The following CST8 variants were observed in gnomAD, a reference collection of about 807,000 sequenced individuals.
CST8 encodes cystatin 8, also known as cystatin-8.
In CST8, 20 loss-of-function variants were observed where a neutral mutation model predicts 11.8. The observed-to-expected ratio is 1.70, with a 90% CI of 1.20 to 2.47. CST8 has a LOEUF of 2.47. Ranked by LOEUF, CST8 falls within the 30% of genes most tolerant of loss-of-function variation. The pLI, the probability that CST8 is intolerant of heterozygous loss-of-function variation, is 0.00. For missense variants in CST8, 196 were observed against 167.2 expected, an observed-to-expected ratio of 1.17 and a Z score of -0.95; for synonymous variants, 77 against 63.1, an observed-to-expected ratio of 1.22 and a Z score of -1.05.
chr20:23,491,795 C>A lies in CST8; in HGVS notation c.128C>A (p.Ala43Asp). 1 of 1,614,082 alleles carries A rather than the reference C, an allele frequency of 6.2e-7. No homozygotes were observed. The change falls in exon 2 of 4, where the codon GCC (alanine) becomes GAC (aspartate). Residue 43 changes from alanine to aspartate, a missense_variant. Transcript: ENST00000246012. Reference sequence around the variant, plus strand: ...TTAAAACCCGTCAATGCCTCAAATGCCAACGTGAAGCAGTGTCTGTGGTTT... The same window carrying A: ...TTAAAACCCGTCAATGCCTCAAATGACAACGTGAAGCAGTGTCTGTGGTTT... ...RKLKPVNASNANVKQCLWFAM... is the reference protein window; with the variant it reads ...RKLKPVNASNDNVKQCLWFAM...
At chr20:23,494,571 C>T (rs1987985902) in intron 3 of CST8, among the ~76,000 whole-genome samples, 1 of 152,136 alleles carries the variant, frequency 6.6e-6, no homozygotes, top group African/African-American at 2.4e-5. Flanking sequence ...CCTGGAAGTG[C>T]CCCAGTGATT....
chr20:23,507,107 T>C, the CST8 span, among the ~76,000 whole-genome samples: 1 of 152,174 alleles, frequency 6.6e-6, no homozygotes, highest in Non-Finnish European at 1.5e-5. Flanking sequence ...TGTAATAAAC[T>C]CCCAATTGGT....
downstream of CST8, among the ~76,000 whole-genome samples, chr20:23,500,140 G>C (rs377451562): frequency 7.2e-5 from 11 of 151,946 alleles, no homozygotes; most frequent in Admixed American, 1.3e-4. Flanking sequence ...TCATTACCTC[G>C]AGGAAGACAC....
chr20:23,493,066 A>T lies in CST8; in HGVS notation c.340A>T (p.Lys114Ter). 2 of 1,591,570 alleles carry T rather than the reference A, an allele frequency of 1.3e-6. No individual in the cohort carries two copies. The highest frequency in any genetic ancestry group is 4.5e-5 in the East Asian group (2 of 44,754). The change falls in exon 3 of 4, where the codon AAA becomes TAA. Residue 114 changes from lysine to a stop codon, truncating the protein, a stop_gained. Transcript: ENST00000246012. LOFTEE classifies it low-confidence loss of function (END_TRUNC). ...ICAIQENSKL[K>*]RKLSCSFLVG... ...CGCCATTCAAGAAAACTCCAAGCTG[A>T]AAAGGGTAGGTGATGAACCACTCAT... is the stretch of plus-strand genomic sequence containing the variant.
chr20:23,492,569 G>A (rs190296403), intron 2 of CST8, among the ~76,000 whole-genome samples: 235 of 152,330 alleles, frequency 1.5e-3, no homozygotes, highest in Non-Finnish European at 2.6e-3. Flanking sequence ...CCCTGGTCAG[G>A]CCTGTGTGAA....
downstream of CST8, among the ~76,000 whole-genome samples, chr20:23,497,872 A>G (rs1178367162): frequency 6.6e-6 from 1 of 152,214 alleles, no homozygotes; most frequent in Admixed American, 6.5e-5. Flanking sequence ...ATTTCAAACC[A>G]TATCACTGTG....
the CST8 span, among the ~76,000 whole-genome samples, chr20:23,502,112 C>A: frequency 1.3e-5 from 2 of 152,158 alleles, no homozygotes; most frequent in African/African-American, 4.8e-5. Context: ...AAAAGCCACA[C>A]CTGCTTGTGG....
chr20:23,498,157 G>A (rs938656800), downstream of CST8, among the ~76,000 whole-genome samples: 1 of 152,108 alleles, frequency 6.6e-6, no homozygotes, highest in Non-Finnish European at 1.5e-5. Context: ...GTGTCTAATA[G>A]AGAATTATTT....
At chr20:23,503,046 A>G in the CST8 span, among the ~76,000 whole-genome samples, 2 of 152,202 alleles carry the variant, frequency 1.3e-5, no homozygotes, top group South Asian at 2.1e-4. Context: ...TTCCCACGGC[A>G]GGTGTCTAAC....
the CST8 span, among the ~76,000 whole-genome samples, chr20:23,503,398 A>T: frequency 6.6e-6 from 1 of 152,230 alleles, no homozygotes; most frequent in Non-Finnish European, 1.5e-5. Context: ...AAATACACTG[A>T]ACAGCTGCTA....
Position 23,491,710 on chromosome 20 carries a change from C to T in CST8, c.43C>T (p.Pro15Ser), listed in dbSNP as rs1987887390. Residue 15 changes from proline to serine, a missense_variant, in exon 2 of 4, where the codon CCC becomes TCC. Transcript: ENST00000246012. Reference protein sequence around the residue: ...RWLSLILLTIPLALVARKDPK... With the variant: ...RWLSLILLTISLALVARKDPK... Reference sequence around the variant, plus strand: ...GCTCTCCCTGATCCTCCTCACCATTCCCCTGGCCCTGGTGGCCAGGAAAGA... The same window carrying T: ...GCTCTCCCTGATCCTCCTCACCATTTCCCTGGCCCTGGTGGCCAGGAAAGA... 3 of 1,613,906 alleles carry T rather than the reference C, an allele frequency of 1.9e-6. No individual in the cohort carries two copies. Among genetic ancestry groups the T allele is most frequent in the African/African-American group, 1.3e-5 (1 of 74,926 alleles).
At chr20:23,497,207 T>C (rs1386652689), downstream of CST8, among the ~76,000 whole-genome samples, 1 of 152,230 alleles carries the variant, frequency 6.6e-6, no homozygotes, top group Admixed American at 6.5e-5. Context: ...ATAACAGTAT[T>C]AATTTGGGGA....
At chr20:23,501,634 A>G in the CST8 span, among the ~76,000 whole-genome samples, 147 of 152,328 alleles carry the variant, frequency 9.7e-4, 1 homozygote, top group African/African-American at 3.3e-3. Context: ...AGGGCCACCT[A>G]GGAGTCAGCT....
At chr20:23,500,634 T>C (rs925299024), downstream of CST8, among the ~76,000 whole-genome samples, 1 of 151,966 alleles carries the variant, frequency 6.6e-6, no homozygotes, top group East Asian at 1.9e-4. Context: ...TCTGCAAAAA[T>C]GTCAGGGACA....
chr20:23,500,663 G>C (rs1988160732), downstream of CST8, among the ~76,000 whole-genome samples: 1 of 152,038 alleles, frequency 6.6e-6, no homozygotes, highest in South Asian at 2.1e-4. Context: ...TCAAAACCTG[G>C]GGGCGGACGG....
downstream of CST8, among the ~76,000 whole-genome samples, chr20:23,497,466 G>A (rs1029475365): frequency 4.6e-5 from 7 of 152,300 alleles, no homozygotes; most frequent in Admixed American, 3.3e-4. Context: ...TTGGTCTGGG[G>A]GACCCCTGTG....
chr20:23,491,304 A>C lies in CST8; in HGVS notation c.-182A>C. ...CACAGTTTTCATGATCACATCATAC[A>C]GGACTGAGAAGCAGATAACAAGAGT... On this transcript the variant is annotated 5_prime_UTR_variant, in exon 1 of 4. Transcript: ENST00000246012. 2 of 263,788 alleles carry C rather than the reference A, an allele frequency of 7.6e-6. No individual in the cohort carries two copies. Among genetic ancestry groups the C allele is most frequent in the South Asian group, 1.1e-4 (2 of 18,370 alleles). The allele number at this position is 263,788 out of a possible 1,614,324, so 16.3% of individuals were successfully genotyped here.
chr20:23,497,618 TCA>T (rs1204895232), downstream of CST8, among the ~76,000 whole-genome samples: 4 of 152,328 alleles, frequency 2.6e-5, no homozygotes, highest in African/African-American at 9.6e-5. Flanking sequence ...TTTAATTGAC[TCA>T]CAGTTTCACA....
downstream of CST8, among the ~76,000 whole-genome samples, chr20:23,497,383 C>T (rs779073244): frequency 6.6e-6 from 1 of 152,228 alleles, no homozygotes; most frequent in Non-Finnish European, 1.5e-5. Flanking sequence ...GGTGCTAACT[C>T]AGCAGGTTCC....
Sources: allele counts gnomAD v4.1 joint callset (sites outside exome capture counted in the v4.1 genomes callset), GRCh38; gene constraint gnomAD v4.1.1; transcripts MANE v1.5; gene names NCBI Gene and HGNC (gene_info 2026-07-23, HGNC 2026-07-21).